PRSS55: variants seen among roughly 807,000 people sequenced by gnomAD.
The protein encoded by PRSS55 is probable serine protease UNQ9391/PRO34284.
A neutral mutation model predicts 23.6 loss-of-function variants in PRSS55; 41 were observed. That is an observed-to-expected ratio of 1.74 (90% CI 1.35 to 2.26). The LOEUF is 2.26. PRSS55 is among the 30% of genes most tolerant of loss of function. The probability of loss-of-function intolerance (pLI) is 0.00; values close to 1 mark genes in which losing one functional copy is unlikely to be tolerated. For missense variants in PRSS55, 669 were observed against 439.1 expected (o/e 1.52, Z -4.68); for synonymous variants, 262 against 175.5 (o/e 1.49, Z -3.90).
At chr8:10,542,160 G>C (rs1482526503), downstream of PRSS55, among the ~76,000 whole-genome samples, 2 of 152,104 alleles carry the variant, frequency 1.3e-5, no homozygotes, top group African/African-American at 4.8e-5. Flanking sequence ...TGATTAGTTA[G>C]GCTACAGGAT....
intron 4 of PRSS55, among the ~76,000 whole-genome samples, chr8:10,553,100 G>A (rs956075566): frequency 5.9e-5 from 9 of 152,038 alleles, no homozygotes; most frequent in African/African-American, 1.9e-4. Context: ...GGAAGTGATC[G>A]GATCATGAGG....
At chr8:10,543,723 T>G (rs531779437), downstream of PRSS55, among the ~76,000 whole-genome samples, 2 of 100,076 alleles carry the variant, frequency 2.0e-5, no homozygotes, top group African/African-American at 5.6e-5. Flanking sequence ...TATGTTTTTG[T>G]GTGTTATGTT....
chr8:10,528,540 T>G (rs1427519884), intron 1 of PRSS55, among the ~76,000 whole-genome samples: 1 of 152,222 alleles, frequency 6.6e-6, no homozygotes, highest in Non-Finnish European at 1.5e-5. Flanking sequence ...GGAAGGGGCA[T>G]TTCCTGCCTC....
chr8:10,542,214 A>G (rs1812676073), downstream of PRSS55, among the ~76,000 whole-genome samples: 1 of 152,176 alleles, frequency 6.6e-6, no homozygotes, highest in South Asian at 2.1e-4. Flanking sequence ...AGAGTCACAC[A>G]GTGTAGTGTG....
At chr8:10,549,750 G>A (rs1585897498) in intron 4 of PRSS55, among the ~76,000 whole-genome samples, 1 of 152,004 alleles carries the variant, frequency 6.6e-6, no homozygotes, top group Non-Finnish European at 1.5e-5. Context: ...GAGTGCTTGG[G>A]ACCATGAAAC....
intron 4 of PRSS55, among the ~76,000 whole-genome samples, chr8:10,535,031 A>G (rs1812408047): frequency 6.6e-6 from 1 of 152,222 alleles, no homozygotes; most frequent in African/African-American, 2.4e-5. Context: ...GATCTCTACA[A>G]TAAGAATTAC....
chr8:10,538,646 G>A lies in PRSS55; in HGVS notation c.912G>A (p.Arg304=), dbSNP rs1434976489. The change falls in exon 5 of 5, where the codon AGG becomes AGA. Residue 304 remains arginine, a synonymous_variant. Transcript: ENST00000328655. ...WIEKVTQLEG[R]PFNAEKRRTS... ...AGAAAGTGACCCAGCTAGAGGGCAG[G>A]CCCTTCAATGCAGAGAAAAGGAGGA... 5 of 1,614,052 alleles carry A rather than the reference G, an allele frequency of 3.1e-6. No homozygotes were observed. In the African/African-American group the frequency reaches 6.7e-5, roughly 22 times the overall value.
At chr8:10,543,265 G>T (rs929770055), downstream of PRSS55, among the ~76,000 whole-genome samples, 4 of 152,106 alleles carry the variant, frequency 2.6e-5, no homozygotes, top group African/African-American at 9.7e-5. Flanking sequence ...CTTGGAGAAT[G>T]TAAGCCCGGA....
At chr8:10,548,075 A>C (rs60232380) in intron 4 of PRSS55, among the ~76,000 whole-genome samples, 42,883 of 151,996 alleles carry the variant, frequency 0.28, 6,967 homozygotes, top group South Asian at 0.43. Flanking sequence ...GCTCCGTGTG[A>C]AAGAGTGTCT....
downstream of PRSS55, among the ~76,000 whole-genome samples, chr8:10,539,339 T>C (rs1022026571): frequency 6.6e-6 from 1 of 152,236 alleles, no homozygotes; most frequent in Non-Finnish European, 1.5e-5. Flanking sequence ...CATCCAAAGA[T>C]ACCCTCCAAG....
chr8:10,537,158 C>A (rs192810809), intron 4 of PRSS55, among the ~76,000 whole-genome samples: 1 of 152,172 alleles, frequency 6.6e-6, no homozygotes, highest in African/African-American at 2.4e-5. Flanking sequence ...ATCAGTATAT[C>A]GAAGAGACAT....
downstream of PRSS55, among the ~76,000 whole-genome samples, chr8:10,539,233 T>C (rs761755504): frequency 9.9e-5 from 15 of 152,150 alleles, no homozygotes; most frequent in Non-Finnish European, 1.9e-4. Flanking sequence ...GTTAGTCTCT[T>C]AGTTCTACGC....
In PRSS55 at chr8:10,535,540, T is replaced by C. The variant is rs567696794; in HGVS notation, c.741+2492T>C. Among the ~76,000 whole-genome samples the C allele has an allele frequency of 3.9e-5, 6 of 152,352 alleles. No individual in the cohort carries two copies. In the East Asian group the frequency reaches 1.2e-3, roughly 29 times the overall value. On this transcript the variant is annotated intron_variant, in intron 4 of 4. Coordinates refer to ENST00000328655, the MANE Select transcript of PRSS55 (RefSeq NM_198464.4). ...ATGCAGAAGATTGAAACTGGACCCT[T>C]TCCTTTCACCATCAACTGAAATCAA...
intron 3 of PRSS55, among the ~76,000 whole-genome samples, chr8:10,532,106 G>A (rs1344416473): frequency 6.6e-6 from 1 of 152,158 alleles, no homozygotes; most frequent in African/African-American, 2.4e-5. Context: ...GGAGGGGAGG[G>A]GATGAGAACA....
At chr8:10,530,601 A>C (rs1391798352) in intron 2 of PRSS55, among the ~76,000 whole-genome samples, 1 of 152,106 alleles carries the variant, frequency 6.6e-6, no homozygotes, top group Admixed American at 6.5e-5. Context: ...GAGGCTGCTC[A>C]CCCACAGTAC....
rs1384531515 is a variant in PRSS55 at position 10,531,373 on chromosome 8, C to G, written c.426C>G (p.Ile142Met). Residue 142 changes from isoleucine to methionine, a missense_variant, in exon 3 of 5, where the codon ATC becomes ATG. Transcript: ENST00000328655. ...PSMEIKEVASIILHKDFKRAN... is the reference protein window; with the variant it reads ...PSMEIKEVASMILHKDFKRAN... ...TGGAAATAAAGGAGGTCGCCAGCAT[C>G]ATTCTTCACAAAGACTTTAAGAGAG... 1.1e-5 allele frequency: 18 copies of G among 1,614,088 alleles called. No individual in the cohort carries two copies. Among genetic ancestry groups the G allele is most frequent in the Non-Finnish European group, 1.5e-5 (18 of 1,180,040 alleles).
At chr8:10,551,365 A>G (rs1309924971) in intron 4 of PRSS55, among the ~76,000 whole-genome samples, 1 of 152,226 alleles carries the variant, frequency 6.6e-6, no homozygotes, top group Admixed American at 6.5e-5. Flanking sequence ...TTGAATCAGA[A>G]TAAGTGTTCA....
intron 4 of PRSS55, among the ~76,000 whole-genome samples, chr8:10,549,729 G>C (rs1380582798): frequency 1.3e-5 from 2 of 152,124 alleles, no homozygotes; most frequent in East Asian, 3.9e-4. Context: ...CCCTGACTTT[G>C]GAGAAAGACG....
chr8:10,531,579 G>C, intron 3 of PRSS55, 34 bp downstream of exon 3: 1 of 1,608,596 alleles, frequency 6.2e-7, no homozygotes, highest in Non-Finnish European at 8.5e-7. Flanking sequence ...TGGGGAAAAA[G>C]CCACTGCAAT....
Sources: gnomAD v4.1 joint callset for allele counts (sites outside exome capture counted in the v4.1 genomes callset) on GRCh38, gnomAD v4.1.1 for gene constraint, MANE v1.5 for transcripts, NCBI Gene and HGNC (gene_info 2026-07-23, HGNC 2026-07-21) for gene names.